KCNH1: variants seen among roughly 807,000 people sequenced by gnomAD.
KCNH1 encodes the protein voltage-gated delayed rectifier potassium channel KCNH1.
In KCNH1, 27 loss-of-function variants were observed where a neutral mutation model predicts 69.2. The ratio of observed to expected loss-of-function variants is 0.39; its 90% CI spans 0.29 to 0.54. The LOEUF (loss-of-function observed/expected upper bound fraction) is 0.54. KCNH1 is among the 20% of genes least tolerant of loss of function. KCNH1 has a pLI of 0.68. For missense variants in KCNH1, 798 were observed against 1,261.6 expected (o/e 0.63, Z 5.57); for synonymous variants, 456 against 487.7 (o/e 0.93, Z 0.86).
chr1:210,820,822 T>C (rs2358095), intron 7 of KCNH1, among the ~76,000 whole-genome samples: 128,792 of 152,026 alleles, frequency 0.85, 54,720 homozygotes, highest in African/African-American at 0.87. Context: ...GATGTGAGGA[T>C]GGTGACACAA....
chr1:211,083,185 C>A (rs1690888614), intron 4 of KCNH1, among the ~76,000 whole-genome samples: 2 of 152,220 alleles, frequency 1.3e-5, no homozygotes, highest in Admixed American at 1.3e-4. Context: ...ACACAGAGTG[C>A]CTGGACAATG....
At chr1:210,938,706 G>A (rs1687825209) in intron 6 of KCNH1, among the ~76,000 whole-genome samples, 1 of 152,098 alleles carries the variant, frequency 6.6e-6, no homozygotes, top group Non-Finnish European at 1.5e-5. Context: ...TTGTCTGCCT[G>A]GAAAACTCCT....
intron 6 of KCNH1, among the ~76,000 whole-genome samples, chr1:210,995,417 G>A (rs1501550): frequency 0.24 from 36,120 of 151,902 alleles, 5,887 homozygotes; most frequent in African/African-American, 0.45. Flanking sequence ...TAATGCTGTG[G>A]GAAAAAATAA....
At chr1:210,955,572 T>C (rs1376164114) in intron 6 of KCNH1, among the ~76,000 whole-genome samples, 1 of 152,220 alleles carries the variant, frequency 6.6e-6, no homozygotes, top group Non-Finnish European at 1.5e-5. Flanking sequence ...TCCTCTTTTA[T>C]TTCAGTAAGC....
At chr1:210,762,864 CT>C (rs1326000661) in intron 10 of KCNH1, among the ~76,000 whole-genome samples, 3 of 152,060 alleles carry the variant, frequency 2.0e-5, no homozygotes, top group African/African-American at 7.2e-5. Context: ...TCCTCCTTAA[CT>C]CATTCTACTA....
chr1:210,867,777 C>T (rs1408843394), intron 7 of KCNH1, among the ~76,000 whole-genome samples: 1 of 152,006 alleles, frequency 6.6e-6, no homozygotes, highest in African/African-American at 2.4e-5. Context: ...ACAGCATGTA[C>T]TATTTGGGAC....
intron 6 of KCNH1, among the ~76,000 whole-genome samples, chr1:210,926,990 T>G (rs959463863): frequency 6.6e-6 from 1 of 152,100 alleles, no homozygotes; most frequent in Non-Finnish European, 1.5e-5. Flanking sequence ...AGACAAGGCT[T>G]TCAAATTAAC....
chr1:211,036,771 CT>C (rs1162108848), intron 5 of KCNH1, among the ~76,000 whole-genome samples: 1 of 152,158 alleles, frequency 6.6e-6, no homozygotes, highest in Non-Finnish European at 1.5e-5. Flanking sequence ...GCATGTGCTT[CT>C]ATTGTCTTCC....
chr1:211,098,260 G>T lies in KCNH1; in HGVS notation c.310+5236C>A, dbSNP rs1364898016. Among the ~76,000 whole-genome samples, 3 of 151,026 alleles carry T rather than the reference G, an allele frequency of 2.0e-5. No homozygotes were observed. In the East Asian group the frequency reaches 5.8e-4, roughly 29 times the overall value. On this transcript the variant is annotated intron_variant, in intron 3 of 10. Coordinates refer to ENST00000271751, the MANE Select transcript of KCNH1 (RefSeq NM_172362.3). ...GGCTGGAGCCTGGGATGCAGAGGTT[G>T]CAGTGAGCTGAGATCGCGCCACTGC...
chr1:210,880,846 C>A (rs1475395524), intron 7 of KCNH1, among the ~76,000 whole-genome samples: 1 of 151,954 alleles, frequency 6.6e-6, no homozygotes, highest in Non-Finnish European at 1.5e-5. Flanking sequence ...AAGACTGTTT[C>A]CCGCAATAAA....
At chr1:211,019,345 C>A in intron 5 of KCNH1, 89 bp from the exon 6 acceptor site, 1 of 792,600 alleles carries the variant, frequency 1.3e-6, no homozygotes, top group South Asian at 1.7e-5. Context: ...GACAAATGGT[C>A]ACAATACTCT....
At chr1:210,859,026 C>T (rs1259411632) in intron 7 of KCNH1, 3 of 537,024 alleles carry the variant, frequency 5.6e-6, no homozygotes, top group Non-Finnish European at 1.0e-5. Flanking sequence ...CAGGTCCCAT[C>T]TCCTGGGGTT....
intron 10 of KCNH1, among the ~76,000 whole-genome samples, chr1:210,749,511 T>C (rs941923714): frequency 5.3e-5 from 8 of 152,120 alleles, no homozygotes; most frequent in Non-Finnish European, 1.0e-4. Context: ...CAACACAGCA[T>C]CACCTGGGCG....
At chr1:210,903,781 C>A (rs188301872) in intron 7 of KCNH1, among the ~76,000 whole-genome samples, 6 of 152,280 alleles carry the variant, frequency 3.9e-5, no homozygotes, top group Non-Finnish European at 7.4e-5. Flanking sequence ...AAATTTACTA[C>A]CAACTCTCTG....
At chr1:210,972,946 A>T (rs2102368783) in intron 6 of KCNH1, among the ~76,000 whole-genome samples, 1 of 145,308 alleles carries the variant, frequency 6.9e-6, no homozygotes, top group South Asian at 2.2e-4. Flanking sequence ...AAAAAAAGTA[A>T]AACTGGCTGT....
At chr1:211,082,933 A>C (rs755575214) in intron 4 of KCNH1, 35 bp from the exon 5 acceptor site, 2 of 1,548,042 alleles carry the variant, frequency 1.3e-6, no homozygotes, top group East Asian at 2.2e-5. Flanking sequence ...GACAGGGTCA[A>C]CCACATCCCA....
At chr1:211,018,737 C>A in intron 6 of KCNH1, 46 bp downstream of exon 6, 1 of 1,446,634 alleles carries the variant, frequency 6.9e-7, no homozygotes, top group Non-Finnish European at 9.4e-7. Context: ...ACATTTAACT[C>A]AGTTTTAAAG....
chr1:211,092,165 T>C (rs1571640316), intron 3 of KCNH1, among the ~76,000 whole-genome samples: 2 of 152,210 alleles, frequency 1.3e-5, no homozygotes, highest in Admixed American at 6.5e-5. Flanking sequence ...TTTTGTGAGA[T>C]AGAGAGCAGA....
chr1:210,778,585 C>T (rs1300645929), intron 9 of KCNH1, among the ~76,000 whole-genome samples: 1 of 150,854 alleles, frequency 6.6e-6, no homozygotes, highest in Non-Finnish European at 1.5e-5. Context: ...AGCAGAACAT[C>T]ACAAATCATC....
Sources: allele counts gnomAD v4.1 joint callset (sites outside exome capture counted in the v4.1 genomes callset), GRCh38; gene constraint gnomAD v4.1.1; transcripts MANE v1.5; gene names NCBI Gene and HGNC (gene_info 2026-07-23, HGNC 2026-07-21).